Variants in MAST4 observed in about 807,000 individuals in gnomAD.
MAST4 encodes microtubule-associated serine/threonine-protein kinase 4.
MAST4 carries 89 observed loss-of-function variants against 162.7 expected under a neutral mutation model. The ratio of observed to expected loss-of-function variants is 0.55; its 90% CI spans 0.46 to 0.65. The LOEUF is 0.65. Ranked by LOEUF, MAST4 falls within the 30% of genes least tolerant of loss-of-function variation. The probability of loss-of-function intolerance (pLI) is 0.00; values close to 1 mark genes in which losing one functional copy is unlikely to be tolerated. For missense variants in MAST4, 3,153 were observed against 3,374.0 expected (o/e 0.93, Z 1.62); for synonymous variants, 1,479 against 1,361.1 (o/e 1.09, Z -1.91).
Position 67,163,406 on chromosome 5 carries a change from C to T in MAST4, c.4227C>T (p.Ile1409=). The change falls in exon 29 of 29, where the codon ATC becomes ATT. Residue 1409 remains isoleucine (I), a synonymous_variant. Coordinates refer to ENST00000403625, the MANE Select transcript of MAST4 (RefSeq NM_001164664.2). The surrounding 1 kb of genome is among the most constrained non-coding windows in gnomAD (Gnocchi z 7.0). ...LLGHSLGNSK[I]AQAFPSKMHS... ...GACACTCACTGGGCAATTCCAAGAT[C>T]GCGCAAGCCTTTCCCAGCAAGATGC... 1.9e-6 allele frequency: 3 copies of T among 1,612,740 alleles called. No homozygotes were observed. The highest frequency in any genetic ancestry group is 1.1e-5 in the South Asian group (1 of 91,082).
intron 3 of MAST4, among the ~76,000 whole-genome samples, chr5:66,845,320 C>G (rs990256712): frequency 4.6e-5 from 7 of 151,592 alleles, no homozygotes; most frequent in Admixed American, 4.6e-4. Flanking sequence ...GCCCTGTGTC[C>G]AAGTGTTCTC....
chr5:66,857,582 G>T (rs1759783363), intron 3 of MAST4, among the ~76,000 whole-genome samples: 1 of 152,074 alleles, frequency 6.6e-6, no homozygotes, highest in African/African-American at 2.4e-5. Context: ...TATTCTGATG[G>T]GTGTGAAGTG....
Position 67,163,934 on chromosome 5 carries a change from T to C in MAST4, c.4755T>C (p.Ser1585=). The C allele has an allele frequency of 6.2e-7, 1 of 1,613,864 alleles. No individual in the cohort carries two copies. The highest frequency in any genetic ancestry group is 1.7e-5 in the Admixed American group (1 of 60,018). Residue 1585 remains serine (S), a synonymous_variant, in exon 29 of 29, where the codon AGT becomes AGC. Transcript: ENST00000403625. The surrounding 1 kb of genome is among the most constrained non-coding windows in gnomAD (Gnocchi z 7.0). ...KVYPKAVERS[S]TFENKASMQE... ...ATCCGAAGGCTGTGGAAAGGTCAAG[T>C]ACTTTTGAAAACAAAGCGTCTATGC...
At chr5:66,603,347 A>G (rs901092523) in intron 1 of MAST4, among the ~76,000 whole-genome samples, 4 of 152,200 alleles carry the variant, frequency 2.6e-5, no homozygotes, top group African/African-American at 7.2e-5. Context: ...ATCCTGCAAG[A>G]TTTTATGAAC....
At chr5:67,085,034 ATTATT>A (rs2150760646) in intron 5 of MAST4, among the ~76,000 whole-genome samples, 1 of 152,276 alleles carries the variant, frequency 6.6e-6, no homozygotes, top group Non-Finnish European at 1.5e-5. Flanking sequence ...TATATTTGAA[ATTATT>A]TTATGTGGAG....
intron 3 of MAST4, among the ~76,000 whole-genome samples, chr5:66,821,547 A>G (rs1219885891): frequency 2.0e-5 from 3 of 152,188 alleles, no homozygotes; most frequent in Non-Finnish European, 2.9e-5. Flanking sequence ...TGAATAGTAA[A>G]TATTCCTAAA....
chr5:67,035,062 T>C (rs1351691472), intron 4 of MAST4, among the ~76,000 whole-genome samples: 1 of 152,182 alleles, frequency 6.6e-6, no homozygotes, highest in Non-Finnish European at 1.5e-5. Context: ...ACTCAAGTTC[T>C]GTTTCTGTTT....
intron 26 of MAST4, among the ~76,000 whole-genome samples, chr5:67,158,617 A>G (rs941177497): frequency 6.6e-6 from 1 of 152,178 alleles, no homozygotes; most frequent in African/African-American, 2.4e-5. Flanking sequence ...TCTAAAACTA[A>G]TAATAAAATA....
intron 3 of MAST4, among the ~76,000 whole-genome samples, chr5:66,837,742 A>G (rs565881925): frequency 4.0e-4 from 61 of 151,638 alleles, no homozygotes; most frequent in African/African-American, 1.5e-3. Flanking sequence ...CTAGGGGTCC[A>G]GGTAACTCCC....
At chr5:66,978,455 T>A (rs965705841) in intron 4 of MAST4, among the ~76,000 whole-genome samples, 1 of 152,228 alleles carries the variant, frequency 6.6e-6, no homozygotes, top group Non-Finnish European at 1.5e-5. Context: ...GTGGGAAGGA[T>A]ACCAAGAAGA....
intron 3 of MAST4, among the ~76,000 whole-genome samples, chr5:66,892,092 A>T (rs1448194100): frequency 6.6e-6 from 1 of 152,196 alleles, no homozygotes; most frequent in Non-Finnish European, 1.5e-5. Flanking sequence ...TTTGCATCTT[A>T]TGCATCATTA....
chr5:67,131,230 A>G (rs1181368745), intron 15 of MAST4, among the ~76,000 whole-genome samples: 2 of 152,168 alleles, frequency 1.3e-5, no homozygotes, highest in African/African-American at 2.4e-5. Flanking sequence ...TACCACACCA[A>G]TATTTTGCTT....
At chr5:66,952,679 A>C (rs1486516605) in intron 4 of MAST4, among the ~76,000 whole-genome samples, 2 of 152,128 alleles carry the variant, frequency 1.3e-5, no homozygotes, top group African/African-American at 2.4e-5. Context: ...TTCATCACAC[A>C]CACGGCCTTT....
chr5:66,974,361 CT>C, intron 4 of MAST4, among the ~76,000 whole-genome samples: 2 of 152,172 alleles, frequency 1.3e-5, no homozygotes, highest in Non-Finnish European at 2.9e-5. Flanking sequence ...TCATCCCCAC[CT>C]TGAGCCTACA....
chr5:67,017,011 C>T (rs973725743), intron 4 of MAST4, among the ~76,000 whole-genome samples: 16 of 152,086 alleles, frequency 1.1e-4, no homozygotes, highest in African/African-American at 3.9e-4. Flanking sequence ...TGTAATAATT[C>T]GTCTTGAAGG....
At chr5:67,148,515 C>T (rs1215140512) in intron 23 of MAST4, among the ~76,000 whole-genome samples, 1 of 152,160 alleles carries the variant, frequency 6.6e-6, no homozygotes, top group Non-Finnish European at 1.5e-5. Flanking sequence ...GCACCCCCCT[C>T]CATATTTATC....
At chr5:67,133,989 C>T (rs1308719393) in intron 17 of MAST4, among the ~76,000 whole-genome samples, 10 of 152,120 alleles carry the variant, frequency 6.6e-5, no homozygotes, top group Admixed American at 6.5e-4. Flanking sequence ...ATGCATTGTA[C>T]CATCACGGGT....
chr5:67,144,395 A>G (rs954024342), intron 21 of MAST4, among the ~76,000 whole-genome samples: 4 of 152,144 alleles, frequency 2.6e-5, no homozygotes, highest in Admixed American at 2.6e-4. Flanking sequence ...TTGCAGATAC[A>G]AAGTCCGCAA....
At chr5:66,719,742 A>G (rs1429836912) in intron 1 of MAST4, among the ~76,000 whole-genome samples, 1 of 151,942 alleles carries the variant, frequency 6.6e-6, no homozygotes, top group African/African-American at 2.4e-5. Context: ...TTCTTAATTC[A>G]TTGAAATTTG....
Sources: allele counts gnomAD v4.1 joint callset (sites outside exome capture counted in the v4.1 genomes callset), GRCh38; gene constraint gnomAD v4.1.1; non-coding constraint Gnocchi (gnomAD v3.1); transcripts MANE v1.5; gene names NCBI Gene and HGNC (gene_info 2026-07-23, HGNC 2026-07-21).